Variants in PTPRD observed in about 807,000 individuals in gnomAD.
PTPRD encodes the protein receptor-type tyrosine-protein phosphatase delta.
PTPRD carries 34 observed loss-of-function variants against 214.5 expected under a neutral mutation model. That is an observed-to-expected ratio of 0.16 (90% CI 0.12 to 0.21). The LOEUF (loss-of-function observed/expected upper bound fraction) is 0.21. Among genes scored for constraint, PTPRD ranks in the 10% least tolerant of loss-of-function variants. The pLI is 1.00. For synonymous variants in PTPRD, 1,128 were observed against 845.7 expected (o/e 1.33, Z -5.79); for missense variants, 2,545 against 2,398.7 (o/e 1.06, Z -1.27).
chr9:10,063,597 A>C (rs2097820079), intron 3 of PTPRD, among the ~76,000 whole-genome samples: 1 of 152,050 alleles, frequency 6.6e-6, no homozygotes, highest in Admixed American at 6.6e-5. Flanking sequence ...CCGCATATGT[A>C]ATAAAAGAAT....
At chr9:8,613,880 T>C (rs189957562) in intron 14 of PTPRD, among the ~76,000 whole-genome samples, 1 of 152,184 alleles carries the variant, frequency 6.6e-6, no homozygotes, top group Admixed American at 6.5e-5. Flanking sequence ...GCAAGAACTT[T>C]CCTAAATGAA....
chr9:10,444,170 G>A (rs1166403224), intron 2 of PTPRD, among the ~76,000 whole-genome samples: 1 of 151,660 alleles, frequency 6.6e-6, no homozygotes, highest in Admixed American at 6.6e-5. Flanking sequence ...CTTATGTTAG[G>A]TGACTGTATC....
intron 3 of PTPRD, among the ~76,000 whole-genome samples, chr9:10,090,478 A>ATTCTT: frequency 6.6e-6 from 1 of 151,374 alleles, no homozygotes; most frequent in African/African-American, 2.4e-5. Flanking sequence ...TCTGGGAAAA[A>ATTCTT]TAAAGCCATT....
intron 11 of PTPRD, among the ~76,000 whole-genome samples, chr9:8,741,661 GCAACCCC>G (rs36229558): frequency 0.079 from 10,413 of 131,120 alleles, 1,021 homozygotes; most frequent in African/African-American, 0.25. Flanking sequence ...TCGGCTCACT[GCAACCCC>G]CAACCCCCAC....
At chr9:9,909,927 T>C (rs1452750957) in intron 5 of PTPRD, among the ~76,000 whole-genome samples, 1 of 151,990 alleles carries the variant, frequency 6.6e-6, no homozygotes. Flanking sequence ...GTAATACCTA[T>C]AGATAGTAGA....
At chr9:10,476,201 T>C (rs1356138547) in intron 2 of PTPRD, among the ~76,000 whole-genome samples, 1 of 152,128 alleles carries the variant, frequency 6.6e-6, no homozygotes, top group Non-Finnish European at 1.5e-5. Context: ...ATTGTCTCTG[T>C]TTGCAGATGA....
At position 8,374,722 on chromosome 9, in the gene PTPRD, A is replaced by G. The variant is rs563066469; in HGVS notation, c.4661+1214T>C. On this transcript the variant is annotated intron_variant, in intron 39 of 45. Transcript: ENST00000381196. ...GGGAGTGCTTTGAAATTAGTAAAAT[A>G]CTCTCCATAAATACAAGGTAATGTT... 3.3e-5 allele frequency among the ~76,000 whole-genome samples: 5 copies of G among 151,982 alleles called. No homozygotes were observed. The East Asian group carries it at 9.7e-4, about 29-fold the overall frequency.
chr9:9,856,908 C>G (rs550008110), intron 5 of PTPRD, among the ~76,000 whole-genome samples: 1 of 152,156 alleles, frequency 6.6e-6, no homozygotes, highest in East Asian at 1.9e-4. Context: ...GAAAAATAAG[C>G]TAGAATAAAA....
Position 9,065,888 on chromosome 9 carries a change from C to T in PTPRD, c.-142-47153G>A, listed in dbSNP as rs149725754. On this transcript the variant is annotated intron_variant, in intron 10 of 45. Coordinates refer to ENST00000381196, the MANE Select transcript of PTPRD (RefSeq NM_002839.4). The stretch of plus-strand genomic sequence containing the variant: ...TCACCAATCTCAGTTGTCTTATTTG[C>T]TAAATGGGTTTAAATACAGTGCCTA... Among the ~76,000 whole-genome samples the T allele has an allele frequency of 5.1e-3, 779 of 152,160 alleles. 4 individuals are homozygous for T. The highest frequency in any genetic ancestry group is 8.5e-3 in the South Asian group (41 of 4,826).
At chr9:10,003,485 G>T (rs186605091) in intron 4 of PTPRD, among the ~76,000 whole-genome samples, 37 of 151,858 alleles carry the variant, frequency 2.4e-4, no homozygotes, top group African/African-American at 8.7e-4. Flanking sequence ...GAACAATTGT[G>T]TGTTCTGAAT....
In PTPRD at chr9:10,488,184, G is replaced by A. The variant is rs561798705; in HGVS notation, c.-600+124214C>T. Among the ~76,000 whole-genome samples, 5 of 151,940 alleles carry A rather than the reference G, an allele frequency of 3.3e-5. No homozygotes were observed. The East Asian group carries it at 5.9e-4, about 18-fold the overall frequency. ...AGATCGAGACCATCCTGGCTAACAC[G>A]ATGAAACCCCATCTCTACTAAAAAT... On this transcript the variant is annotated intron_variant, in intron 2 of 45. Coordinates refer to ENST00000381196, the MANE Select transcript of PTPRD (RefSeq NM_002839.4).
intron 11 of PTPRD, among the ~76,000 whole-genome samples, chr9:8,838,563 T>TAAA (rs145343455): frequency 1.7e-4 from 26 of 151,796 alleles, no homozygotes; most frequent in African/African-American, 5.5e-4. Context: ...AACTGAAAAA[T>TAAA]AAAAGAGAGA....
intron 10 of PTPRD, among the ~76,000 whole-genome samples, chr9:9,060,965 C>T (rs1305692315): frequency 6.6e-6 from 1 of 152,114 alleles, no homozygotes. Flanking sequence ...TGTGGAATCT[C>T]ACAATCAGAA....
intron 2 of PTPRD, among the ~76,000 whole-genome samples, chr9:10,560,870 G>C (rs1389448139): frequency 6.6e-6 from 1 of 152,136 alleles, no homozygotes; most frequent in African/African-American, 2.4e-5. Context: ...TAAATATAGA[G>C]CCTGTCCATC....
intron 11 of PTPRD, among the ~76,000 whole-genome samples, chr9:8,990,469 C>G (rs1042378597): frequency 1.3e-5 from 2 of 152,014 alleles, no homozygotes; most frequent in Non-Finnish European, 2.9e-5. Context: ...AACAAAATAC[C>G]AAAGTGAAAG....
chr9:8,368,968 A>C (rs1472343583), intron 39 of PTPRD, among the ~76,000 whole-genome samples: 2 of 152,086 alleles, frequency 1.3e-5, no homozygotes, highest in African/African-American at 4.8e-5. Context: ...AGATGTTGGC[A>C]TTTTTAACAA....
chr9:9,950,585 G>A (rs2093354709), intron 4 of PTPRD, among the ~76,000 whole-genome samples: 2 of 82,020 alleles, frequency 2.4e-5, no homozygotes, highest in Non-Finnish European at 3.9e-5. Context: ...TTAGCCGGGC[G>A]AGGTGGTGGA....
chr9:10,228,222 C>T (rs913405869), intron 3 of PTPRD, among the ~76,000 whole-genome samples: 2 of 152,000 alleles, frequency 1.3e-5, no homozygotes, highest in African/African-American at 4.8e-5. Flanking sequence ...ATAGAAATGA[C>T]TGTACAAGTA....
intron 2 of PTPRD, among the ~76,000 whole-genome samples, chr9:10,561,031 A>C (rs1198640551): frequency 6.6e-6 from 1 of 152,154 alleles, no homozygotes; most frequent in East Asian, 1.9e-4. Context: ...AGTGAGCCTA[A>C]AGTTGATTTT....
Sources: allele counts gnomAD v4.1 joint callset (sites outside exome capture counted in the v4.1 genomes callset), GRCh38; gene constraint gnomAD v4.1.1; transcripts MANE v1.5; gene names NCBI Gene and HGNC (gene_info 2026-07-23, HGNC 2026-07-21).